PPFIA2: variants seen among roughly 807,000 people sequenced by gnomAD.
PPFIA2 encodes the protein PPFI scaffold protein A2, also known as liprin-alpha-2.
In PPFIA2, 46 loss-of-function variants were observed where a neutral mutation model predicts 175.5. The observed-to-expected ratio is 0.26, with a 90% CI of 0.21 to 0.34. The LOEUF (loss-of-function observed/expected upper bound fraction) is 0.34, where lower values mean the gene tolerates loss of function less well. PPFIA2 is among the 10% of genes least tolerant of loss of function. The pLI, the probability that PPFIA2 is intolerant of heterozygous loss-of-function variation, is 1.00. For missense variants in PPFIA2, 1,179 were observed against 1,506.1 expected (o/e 0.78, Z 3.60); for synonymous variants, 568 against 511.4 (o/e 1.11, Z -1.49).
chr12:81,316,516 T>C (rs759219363), intron 22 of PPFIA2, among the ~76,000 whole-genome samples: 2 of 151,646 alleles, frequency 1.3e-5, no homozygotes, highest in Non-Finnish European at 1.5e-5. Flanking sequence ...TTACATGGTT[T>C]ATTTATTAGG....
At chr12:81,683,152 T>A (rs1268222858) in intron 3 of PPFIA2, among the ~76,000 whole-genome samples, 1 of 152,002 alleles carries the variant, frequency 6.6e-6, no homozygotes, top group Non-Finnish European at 1.5e-5. Context: ...TAAATTAGGT[T>A]CCCATCCCAG....
chr12:81,600,650 A>G (rs1272896729), intron 4 of PPFIA2, among the ~76,000 whole-genome samples: 1 of 151,930 alleles, frequency 6.6e-6, no homozygotes, highest in Non-Finnish European at 1.5e-5. Flanking sequence ...TTAAATGACT[A>G]AATAGATTTA....
intron 4 of PPFIA2, among the ~76,000 whole-genome samples, chr12:81,565,868 C>T (rs2071179540): frequency 6.6e-6 from 1 of 152,190 alleles, no homozygotes; most frequent in East Asian, 1.9e-4. Context: ...TATCTGTCAT[C>T]TGATCACTTC....
intron 20 of PPFIA2, 105 bp downstream of exon 20, chr12:81,340,973 C>T (rs1055137940): frequency 2.4e-6 from 3 of 1,228,338 alleles, no homozygotes; most frequent in South Asian, 2.1e-5. Context: ...AGAATTCTGG[C>T]TCAAATAATG....
chr12:81,632,777 T>C (rs1371337469), intron 4 of PPFIA2, among the ~76,000 whole-genome samples: 1 of 151,998 alleles, frequency 6.6e-6, no homozygotes, highest in East Asian at 1.9e-4. Flanking sequence ...AGGATGTGTA[T>C]AAGGGGTCCC....
intron 3 of PPFIA2, among the ~76,000 whole-genome samples, chr12:81,747,455 T>G (rs1222942009): frequency 7.0e-6 from 1 of 143,868 alleles, no homozygotes; most frequent in Non-Finnish European, 1.6e-5. Context: ...GTAAGGATTT[T>G]TAATGCTCTC....
At chr12:81,382,416 G>T (rs1435706429) in intron 9 of PPFIA2, among the ~76,000 whole-genome samples, 1 of 152,142 alleles carries the variant, frequency 6.6e-6, no homozygotes, top group Non-Finnish European at 1.5e-5. Flanking sequence ...TAGGCAGGCT[G>T]CTCAAGCTGC....
At chr12:81,342,270 T>C (rs966068313) in intron 19 of PPFIA2, among the ~76,000 whole-genome samples, 7 of 152,156 alleles carry the variant, frequency 4.6e-5, no homozygotes, top group African/African-American at 1.4e-4. Flanking sequence ...ATATTTTTCA[T>C]GGCATCGTTG....
In PPFIA2 at chr12:81,277,313, T is replaced by G. The variant is rs186935284; in HGVS notation, c.3310+4A>C. 6 of 1,548,818 alleles carry G rather than the reference T, an allele frequency of 3.9e-6. No individual in the cohort carries two copies. In the Admixed American group the frequency reaches 1.2e-4, roughly 31 times the overall value. On this transcript the variant is annotated splice_donor_region_variant and intron_variant, in intron 28 of 32. Coordinates refer to ENST00000549396, the MANE Select transcript of PPFIA2 (RefSeq NM_003625.5). ...GCATTTCATATGAAAGAAAGATATA[T>G]TACCTTTTATTTCATGTTGGCTTGC...
chr12:81,272,594 T>C (rs1365501815), intron 28 of PPFIA2, among the ~76,000 whole-genome samples: 4 of 152,324 alleles, frequency 2.6e-5, no homozygotes, highest in African/African-American at 9.6e-5. Flanking sequence ...TACATATTTT[T>C]TAATAAACAC....
At chr12:81,565,649 T>C (rs1351654408) in intron 4 of PPFIA2, among the ~76,000 whole-genome samples, 2 of 152,162 alleles carry the variant, frequency 1.3e-5, no homozygotes, top group Non-Finnish European at 2.9e-5. Flanking sequence ...CACTTCATTT[T>C]CTCCAATTAT....
intron 4 of PPFIA2, among the ~76,000 whole-genome samples, chr12:81,513,973 C>T (rs2062097621): frequency 6.6e-6 from 1 of 151,974 alleles, no homozygotes; most frequent in Non-Finnish European, 1.5e-5. Context: ...AGCAAAGAAA[C>T]CACAAAGTCA....
chr12:81,388,762 T>C (rs1182870605), intron 8 of PPFIA2, among the ~76,000 whole-genome samples: 3 of 152,080 alleles, frequency 2.0e-5, no homozygotes, highest in African/African-American at 7.2e-5. Flanking sequence ...TGAAGAATTT[T>C]GGAGAAACTG....
chr12:81,636,005 C>T (rs1010925365), intron 4 of PPFIA2, among the ~76,000 whole-genome samples: 2 of 152,022 alleles, frequency 1.3e-5, no homozygotes, highest in East Asian at 3.9e-4. Context: ...TTATGCAAAA[C>T]ATTTTACCAT....
rs753279220 is a variant in PPFIA2, at chr12:81,374,720, G to T, written c.1180C>A (p.Gln394Lys). The change falls in exon 11 of 33, where the codon CAA becomes AAA. Residue 394 changes from glutamine to lysine, a missense_variant. Physicochemically the swap from Gln to Lys is moderately conservative, Grantham distance 53. Transcript: ENST00000549396. ...QLQERLELAE[Q>K]KLQQTMRKAE... ...TTTCTCATGGTCTGCTGCAACTTTT[G>T]TTCAGCTAGCTCAAGACGTTCTTGT... The T allele has an allele frequency of 6.2e-7, 1 of 1,613,172 alleles. No individual in the cohort carries two copies. Among genetic ancestry groups the T allele is most frequent in the Non-Finnish European group, 8.5e-7 (1 of 1,179,442 alleles).
At chr12:81,483,918 C>CT (rs1287657937) in intron 4 of PPFIA2, among the ~76,000 whole-genome samples, 2 of 151,528 alleles carry the variant, frequency 1.3e-5, no homozygotes, top group Admixed American at 6.6e-5. Context: ...TCCCCCCTCC[C>CT]TTTTTTTTGG....
At chr12:81,655,871 T>A (rs188702793) in intron 4 of PPFIA2, among the ~76,000 whole-genome samples, 2 of 152,166 alleles carry the variant, frequency 1.3e-5, no homozygotes, top group African/African-American at 4.8e-5. Context: ...TAAAATGTTC[T>A]ACCATGATTG....
chr12:81,477,042 C>T (rs7965702), intron 4 of PPFIA2, among the ~76,000 whole-genome samples: 76,790 of 151,448 alleles, frequency 0.51, 19,893 homozygotes, highest in African/African-American at 0.59. Context: ...GGAACACACA[C>T]TGGAGCCTGT....
chr12:81,462,099 G>T (rs1363169545), intron 4 of PPFIA2, among the ~76,000 whole-genome samples: 2 of 150,742 alleles, frequency 1.3e-5, no homozygotes, highest in East Asian at 3.9e-4. Context: ...ATTATTGGAG[G>T]TTTTTTTTAA....
Sources: allele counts gnomAD v4.1 joint callset (sites outside exome capture counted in the v4.1 genomes callset), GRCh38; gene constraint gnomAD v4.1.1; transcripts MANE v1.5; gene names NCBI Gene and HGNC (gene_info 2026-07-23, HGNC 2026-07-21).